The following FRMPD3 variants were observed in gnomAD, a reference collection of about 807,000 sequenced individuals.
FRMPD3 encodes the protein FERM and PDZ domain-containing protein 3.
A neutral mutation model predicts 97.9 loss-of-function variants in FRMPD3; 42 were observed. The ratio of observed to expected loss-of-function variants is 0.43; its 90% CI spans 0.34 to 0.55. FRMPD3 has a LOEUF of 0.55. Ranked by LOEUF, FRMPD3 falls within the 20% of genes least tolerant of loss-of-function variation. The pLI is 0.03. For synonymous variants in FRMPD3, 577 were observed against 581.1 expected, an observed-to-expected ratio of 0.99 and a Z score of 0.10; for missense variants, 1,303 against 1,457.7, an observed-to-expected ratio of 0.89 and a Z score of 1.73.
chrX:107,459,593 T>A (rs1484816065), intron 1 of FRMPD3, among the ~76,000 whole-genome samples: 2 of 112,158 alleles, frequency 1.8e-5, no homozygotes, highest in African/African-American at 6.5e-5. Flanking sequence ...AGCCCTGGAT[T>A]GGAGGGAAAT....
At chrX:107,557,696 T>G (rs1922143988) in intron 8 of FRMPD3, among the ~76,000 whole-genome samples, 1 of 95,095 alleles carries the variant, frequency 1.1e-5, no homozygotes, top group Non-Finnish European at 2.0e-5. Flanking sequence ...TGTGTGTGTT[T>G]TTTTTTGCAT....
At position 107,603,801 on chromosome X, in the gene FRMPD3, AGC is replaced by A. The variant is rs1924683374; in HGVS notation, c.*429_*430del. On this transcript the variant is annotated 3_prime_UTR_variant, in exon 15 of 15. Transcript: ENST00000683843. ...CTCCCCTGCTGGGAGCAGTGGCAGTAGCAGCAGGCCACATTGCCGTGCCGAGG... is the reference window on the plus strand; with the variant it reads ...CTCCCCTGCTGGGAGCAGTGGCAGTAAGCAGGCCACATTGCCGTGCCGAGG... 7.6e-6 allele frequency: 1 copy of A among 130,902 alleles called. No homozygotes were observed. The highest frequency in any genetic ancestry group is 1.5e-5 in the Non-Finnish European group (1 of 65,008). 10.8% of individuals were successfully genotyped at this position (130,902 alleles called of 1,213,427 possible). A position where few individuals can be genotyped will look rare whatever the true frequency, so the allele number is the denominator to read the frequency against.
chrX:107,520,246 G>A (rs1310604649), intron 1 of FRMPD3, among the ~76,000 whole-genome samples: 1 of 110,770 alleles, frequency 9.0e-6, no homozygotes, highest in Non-Finnish European at 1.9e-5. Flanking sequence ...GGGCTTCAAG[G>A]GAGGCTGCTC....
intron 1 of FRMPD3, among the ~76,000 whole-genome samples, chrX:107,510,256 C>T (rs1922133120): frequency 9.0e-6 from 1 of 111,454 alleles, no homozygotes; most frequent in African/African-American, 3.3e-5. Flanking sequence ...TCCTAAAATG[C>T]CTGGGTCTGC....
At position 107,527,483 on chromosome X, in the gene FRMPD3, G is replaced by A. The variant is rs563482645; in HGVS notation, c.148+747G>A. Among the ~76,000 whole-genome samples the A allele has an allele frequency of 1.1e-3, 121 of 112,474 alleles. 1 individual carries two copies. The South Asian group carries it at 0.044, about 41-fold the overall frequency. The stretch of plus-strand genomic sequence containing the variant: ...AGAGCCAGGGTTTGCACCTGGGCCT[G>A]TTTGATGCCATGCAGGGGAAGTAGG... On this transcript the variant is annotated intron_variant, in intron 2 of 14. Coordinates refer to ENST00000683843, the MANE Select transcript of FRMPD3 (RefSeq NM_001388459.1).
At chrX:107,460,177 G>A (rs1416375404) in intron 1 of FRMPD3, among the ~76,000 whole-genome samples, 1 of 111,361 alleles carries the variant, frequency 9.0e-6, no homozygotes, top group Non-Finnish European at 1.9e-5. Flanking sequence ...ATTTAAGGCA[G>A]AAAGAAGAGG....
At chrX:107,467,300 T>C (rs2147890436) in intron 1 of FRMPD3, among the ~76,000 whole-genome samples, 1 of 111,049 alleles carries the variant, frequency 9.0e-6, no homozygotes, top group African/African-American at 3.3e-5. Flanking sequence ...AGTGTGAGTG[T>C]GTGTGTGTGA....
intron 1 of FRMPD3, among the ~76,000 whole-genome samples, chrX:107,455,622 T>A (rs927124434): frequency 3.6e-5 from 4 of 111,637 alleles, no homozygotes; most frequent in South Asian, 3.8e-4. Context: ...TTAATTTTTT[T>A]AAATCCCCAT....
chrX:107,494,596 G>A (rs927159180), intron 1 of FRMPD3, among the ~76,000 whole-genome samples: 1 of 112,044 alleles, frequency 8.9e-6, no homozygotes, highest in African/African-American at 3.2e-5. Context: ...ATGCTTGGGT[G>A]TAGATGAGTA....
In FRMPD3 at chrX:107,569,700, A is replaced by G. The variant is rs558735661; in HGVS notation, c.1296+4634A>G. On this transcript the variant is annotated intron_variant, in intron 12 of 14. Coordinates refer to ENST00000683843, the MANE Select transcript of FRMPD3 (RefSeq NM_001388459.1). ...GTATGTACACCAGGGAAATTGGCCAATGCTACAAATTACTACTTGAAAGAA... is the reference window on the plus strand; with the variant it reads ...GTATGTACACCAGGGAAATTGGCCAGTGCTACAAATTACTACTTGAAAGAA... Among the ~76,000 whole-genome samples, 8 of 112,189 alleles carry G rather than the reference A, an allele frequency of 7.1e-5. No individual in the cohort carries two copies. In the South Asian group the frequency reaches 2.6e-3, roughly 36 times the overall value.
intron 1 of FRMPD3, among the ~76,000 whole-genome samples, chrX:107,496,213 A>G (rs1921770764): frequency 8.9e-6 from 1 of 112,189 alleles, no homozygotes; most frequent in Non-Finnish European, 1.9e-5. Flanking sequence ...TTCCAGGTGT[A>G]TGGATTTGCA....
intron 13 of FRMPD3, among the ~76,000 whole-genome samples, chrX:107,591,088 T>C (rs1374802281): frequency 9.0e-6 from 1 of 111,700 alleles, no homozygotes; most frequent in African/African-American, 3.2e-5. Flanking sequence ...TTCCTGATAC[T>C]GTCTATTCAG....
chrX:107,472,783 C>T (rs1033424884), intron 1 of FRMPD3, among the ~76,000 whole-genome samples: 11 of 112,288 alleles, frequency 9.8e-5, no homozygotes, highest in Non-Finnish European at 1.7e-4. Flanking sequence ...GTTCCCATCC[C>T]GGATCTACCA....
At chrX:107,599,726 TC>T (rs1459229629) in intron 14 of FRMPD3, among the ~76,000 whole-genome samples, 1 of 111,990 alleles carries the variant, frequency 8.9e-6, no homozygotes, top group African/African-American at 3.2e-5. Flanking sequence ...CCAGATCCTC[TC>T]GCCACCTCTT....
At chrX:107,558,551 C>A (rs1383012758) in intron 8 of FRMPD3, among the ~76,000 whole-genome samples, 2 of 111,526 alleles carry the variant, frequency 1.8e-5, no homozygotes, top group Non-Finnish European at 3.8e-5. Flanking sequence ...AAACTCACTA[C>A]ATTTGGCCCT....
At position 107,492,281 on chromosome X, in the gene FRMPD3, C is replaced by T. The variant is rs1921678482; in HGVS notation, c.-7-34301C>T. ...AACCAATGGCAATTCACAGCCCTCG[C>T]ATCCCTATGTCTCTGCAGAGCTATT... On this transcript the variant is annotated intron_variant, in intron 1 of 14. Coordinates refer to ENST00000683843, the MANE Select transcript of FRMPD3 (RefSeq NM_001388459.1). 2.7e-5 allele frequency among the ~76,000 whole-genome samples: 3 copies of T among 111,699 alleles called. No homozygotes were observed. In the Admixed American group the frequency reaches 2.9e-4, roughly 11 times the overall value.
intron 12 of FRMPD3, among the ~76,000 whole-genome samples, chrX:107,572,038 G>C (rs1479749010): frequency 8.9e-6 from 1 of 111,873 alleles, no homozygotes; most frequent in Non-Finnish European, 1.9e-5. Flanking sequence ...ATATTTATTT[G>C]CATGGTTATT....
In FRMPD3 at chrX:107,531,430, C is replaced by T. The variant is rs147826217; in HGVS notation, c.251+919C>T. 2.7e-3 allele frequency among the ~76,000 whole-genome samples: 292 copies of T among 109,331 alleles called. 3 individuals are homozygous for T. Among genetic ancestry groups the T allele is most frequent in the African/African-American group, 9.5e-3 (285 of 30,092 alleles). The allele number at this position is 109,331 out of a possible 115,157, so 94.9% of individuals were successfully genotyped here. A position where few individuals can be genotyped will look rare whatever the true frequency, so the allele number is the denominator to read the frequency against. ...TCTCTGCCACCATCTCCTTCAAGTC[C>T]TCCTGGTTCAGAGTGTTTTCATCCC... On this transcript the variant is annotated intron_variant, in intron 3 of 14. Transcript: ENST00000683843.
At chrX:107,466,409 G>T (rs1464188569) in intron 1 of FRMPD3, among the ~76,000 whole-genome samples, 1 of 112,469 alleles carries the variant, frequency 8.9e-6, no homozygotes, top group Non-Finnish European at 1.9e-5. Flanking sequence ...GAACAGAGTG[G>T]AGCAGCTTTG....
Sources: gnomAD v4.1 joint callset for allele counts (sites outside exome capture counted in the v4.1 genomes callset) on GRCh38, gnomAD v4.1.1 for gene constraint, MANE v1.5 for transcripts, NCBI Gene and HGNC (gene_info 2026-07-23, HGNC 2026-07-21) for gene names.